Variants in USP15 observed in about 807,000 individuals in gnomAD.
USP15 encodes the protein ubiquitin specific peptidase 15, also known as ubiquitin carboxyl-terminal hydrolase 15.
USP15 carries 18 observed loss-of-function variants against 127.1 expected under a neutral mutation model. The observed-to-expected ratio is 0.14, with a 90% CI of 0.10 to 0.21. The LOEUF (loss-of-function observed/expected upper bound fraction) is 0.21. USP15 is among the 10% of genes least tolerant of loss of function. The pLI, the probability that USP15 is intolerant of heterozygous loss-of-function variation, is 1.00. For synonymous variants in USP15, 364 were observed against 393.7 expected (o/e 0.92, Z 0.89); for missense variants, 805 against 1,159.9 (o/e 0.69, Z 4.44).
chr12:62,389,361 G>A, intron 11 of USP15, 70 bp from the exon 12 acceptor site: 1 of 1,267,988 alleles, frequency 7.9e-7, no homozygotes, highest in Non-Finnish European at 1.1e-6. Context: ...TAGCAACCAT[G>A]AGGTCACTCT....
At chr12:62,401,355 T>A in intron 21 of USP15, 80 bp downstream of exon 21, 1 of 1,063,384 alleles carries the variant, frequency 9.4e-7, no homozygotes, top group East Asian at 2.5e-5. Flanking sequence ...AAGGGGCTCA[T>A]GGAACACTGT....
intron 8 of USP15, among the ~76,000 whole-genome samples, chr12:62,372,358 C>A: frequency 6.6e-6 from 1 of 151,944 alleles, no homozygotes; most frequent in Non-Finnish European, 1.5e-5. Flanking sequence ...ATCAGTACCA[C>A]CATGGAAATA....
In USP15 at chr12:62,416,344, A is replaced by T. The variant is rs1210226428; in HGVS notation, c.*11969A>T. On this transcript the variant is annotated 3_prime_UTR_variant, in exon 22 of 22. Transcript: ENST00000280377. ...TGTTAAGATGGTGTATGTGTGGCAT[A>T]GTATTTGTTCCTAAATGTAAAAGTT... 6.6e-6 allele frequency: 1 copy of T among 152,228 alleles called. No individual in the cohort carries two copies. The highest frequency in any genetic ancestry group is 1.5e-5 in the Non-Finnish European group (1 of 68,042). 9.4% of individuals were successfully genotyped at this position (152,228 alleles called of 1,614,324 possible). A position where few individuals can be genotyped will look rare whatever the true frequency, so the allele number is the denominator to read the frequency against.
chr12:62,360,991 T>C (rs1399894783), intron 8 of USP15, among the ~76,000 whole-genome samples: 4 of 152,050 alleles, frequency 2.6e-5, no homozygotes, highest in Non-Finnish European at 5.9e-5. Flanking sequence ...CAACCTTACT[T>C]GCATTAGAAC....
intron 7 of USP15, among the ~76,000 whole-genome samples, chr12:62,354,685 A>G (rs1480397976): frequency 6.6e-6 from 1 of 151,990 alleles, no homozygotes. Flanking sequence ...TAAATAAACT[A>G]CATTGTTCTG....
chr12:62,389,937 C>A lies in USP15; in HGVS notation c.1793C>A (p.Pro598Gln), dbSNP rs976850786. 1 of 1,613,344 alleles carries A rather than the reference C, an allele frequency of 6.2e-7. No individual in the cohort carries two copies. The highest frequency in any genetic ancestry group is 1.3e-5 in the African/African-American group (1 of 74,876). ...LFGQPFLMAVPRNNTEDKLYN... is the reference protein window; with the variant it reads ...LFGQPFLMAVQRNNTEDKLYN... ...GGTCAGCCCTTTCTTATGGCTGTAC[C>A]ACGAAACAATACTGAAGACAAACTT... The change falls in exon 14 of 22, where the codon CCA (proline) becomes CAA (glutamine). Residue 598 changes from proline to glutamine, a missense_variant. Transcript: ENST00000280377.
chr12:62,296,999 T>TA (rs2064150390), intron 2 of USP15, among the ~76,000 whole-genome samples: 1 of 151,946 alleles, frequency 6.6e-6, no homozygotes, highest in South Asian at 2.1e-4. Flanking sequence ...AGAGGGTAGG[T>TA]GGTTGCTGCA....
chr12:62,273,047 T>C (rs982723333), intron 1 of USP15, among the ~76,000 whole-genome samples: 3 of 152,034 alleles, frequency 2.0e-5, no homozygotes, highest in African/African-American at 7.2e-5. Context: ...GGTCTCAGTC[T>C]AACTCTTTAG....
intron 8 of USP15, among the ~76,000 whole-genome samples, chr12:62,365,249 A>C (rs1392480651): frequency 6.6e-6 from 1 of 152,100 alleles, no homozygotes; most frequent in African/African-American, 2.4e-5. Context: ...CGCCATTCTA[A>C]CTGGTATATG....
At chr12:62,277,488 G>T (rs2063527293) in intron 1 of USP15, 1 of 152,036 alleles carries the variant, frequency 6.6e-6, no homozygotes, top group African/African-American at 2.4e-5. Flanking sequence ...GCATATAAAA[G>T]ATTTTTTTAA....
chr12:62,286,937 C>CAA (rs60827285), intron 1 of USP15, among the ~76,000 whole-genome samples: 11,217 of 128,232 alleles, frequency 0.087, 546 homozygotes, highest in Middle Eastern at 0.17. Context: ...AACTCTGTCT[C>CAA]AAAAAAAAAA....
At chr12:62,321,970 A>G (rs991871101) in intron 5 of USP15, among the ~76,000 whole-genome samples, 2 of 152,228 alleles carry the variant, frequency 1.3e-5, no homozygotes, top group Admixed American at 1.3e-4. Context: ...AGTAGCATCT[A>G]AAACATTGCC....
At chr12:62,339,460 T>C (rs910883467) in intron 6 of USP15, among the ~76,000 whole-genome samples, 8 of 152,208 alleles carry the variant, frequency 5.3e-5, no homozygotes, top group Non-Finnish European at 7.3e-5. Context: ...CATCCTTGTC[T>C]TGTGCTGGTT....
intron 7 of USP15, among the ~76,000 whole-genome samples, chr12:62,350,263 A>G (rs2065930353): frequency 6.6e-6 from 1 of 152,212 alleles, no homozygotes; most frequent in South Asian, 2.1e-4. Flanking sequence ...TAAAACACCA[A>G]TAATTAAATT....
intron 1 of USP15, among the ~76,000 whole-genome samples, chr12:62,266,348 T>G (rs541831308): frequency 6.6e-6 from 1 of 152,200 alleles, no homozygotes; most frequent in Non-Finnish European, 1.5e-5. Context: ...GGCTTTCTTC[T>G]TGGACTTAAA....
intron 20 of USP15, 41 bp from the exon 21 acceptor site, chr12:62,401,146 C>G: frequency 2.7e-6 from 4 of 1,479,986 alleles, no homozygotes; most frequent in Non-Finnish European, 3.7e-6. Context: ...CCCAGAAAAC[C>G]AAGATCATTT....
chr12:62,401,841 T>G (rs2067698351), intron 21 of USP15, among the ~76,000 whole-genome samples: 1 of 148,494 alleles, frequency 6.7e-6, no homozygotes, highest in Non-Finnish European at 1.5e-5. Flanking sequence ...CATCCACCGC[T>G]GACTCTCAGT....
intron 7 of USP15, among the ~76,000 whole-genome samples, chr12:62,350,711 A>G (rs912428005): frequency 6.6e-6 from 1 of 151,780 alleles, no homozygotes; most frequent in Non-Finnish European, 1.5e-5. Flanking sequence ...TGCACCCATG[A>G]CCTCCCAGGC....
At chr12:62,340,273 C>T (rs1481037502) in intron 6 of USP15, among the ~76,000 whole-genome samples, 1 of 151,976 alleles carries the variant, frequency 6.6e-6, no homozygotes, top group Non-Finnish European at 1.5e-5. Context: ...ATTCTTCTCT[C>T]TTTATTCTTC....
Sources: gnomAD v4.1 joint callset for allele counts (sites outside exome capture counted in the v4.1 genomes callset) on GRCh38, gnomAD v4.1.1 for gene constraint, MANE v1.5 for transcripts, NCBI Gene and HGNC (gene_info 2026-07-23, HGNC 2026-07-21) for gene names.